PTPRD: variants seen among roughly 807,000 people sequenced by gnomAD.
PTPRD encodes the protein receptor-type tyrosine-protein phosphatase delta.
PTPRD carries 34 observed loss-of-function variants against 214.5 expected under a neutral mutation model. The observed-to-expected ratio is 0.16, with a 90% CI of 0.12 to 0.21. PTPRD has a LOEUF of 0.21. Ranked by LOEUF, PTPRD falls within the 10% of genes least tolerant of loss-of-function variation. The pLI, the probability that PTPRD is intolerant of heterozygous loss-of-function variation, is 1.00. For synonymous variants in PTPRD, 1,128 were observed against 845.7 expected, an observed-to-expected ratio of 1.33 and a Z score of -5.79; for missense variants, 2,545 against 2,398.7, an observed-to-expected ratio of 1.06 and a Z score of -1.27.
chr9:9,090,135 T>C (rs2099773436), intron 10 of PTPRD, among the ~76,000 whole-genome samples: 1 of 152,208 alleles, frequency 6.6e-6, no homozygotes, highest in South Asian at 2.1e-4. Context: ...TACAGTCACC[T>C]TACTGTGCTA....
chr9:9,435,385 A>G (rs1325196048), intron 8 of PTPRD, among the ~76,000 whole-genome samples: 1 of 119,764 alleles, frequency 8.3e-6, no homozygotes, highest in Non-Finnish European at 1.7e-5. Context: ...TTAGCCAGGC[A>G]TGGTGGCATG....
chr9:10,238,495 C>T (rs530318430), intron 3 of PTPRD, among the ~76,000 whole-genome samples: 5 of 151,940 alleles, frequency 3.3e-5, no homozygotes, highest in South Asian at 4.2e-4. Context: ...CCTGTGTATA[C>T]GCTCCAGAAT....
At chr9:9,091,394 G>C in intron 10 of PTPRD, 1 of 649,992 alleles carries the variant, frequency 1.5e-6, no homozygotes, top group Non-Finnish European at 2.7e-6. Flanking sequence ...TTATGACTCT[G>C]GTTCTTACTA....
intron 7 of PTPRD, among the ~76,000 whole-genome samples, chr9:9,694,066 T>C (rs2097325427): frequency 6.6e-6 from 1 of 152,188 alleles, no homozygotes; most frequent in Non-Finnish European, 1.5e-5. Context: ...GCCTCAAAGG[T>C]TATATAGCTC....
chr9:9,025,216 T>G (rs2099582949), intron 10 of PTPRD, among the ~76,000 whole-genome samples: 1 of 152,148 alleles, frequency 6.6e-6, no homozygotes, highest in Middle Eastern at 3.4e-3. Context: ...ATGGTGGGAC[T>G]AAGTTTTTCT....
At chr9:10,364,372 C>A (rs2097470286) in intron 2 of PTPRD, among the ~76,000 whole-genome samples, 1 of 152,052 alleles carries the variant, frequency 6.6e-6, no homozygotes. Flanking sequence ...GCTATAGCAT[C>A]TATTTGATGG....
At chr9:9,894,836 G>GT (rs559033234) in intron 5 of PTPRD, among the ~76,000 whole-genome samples, 19 of 151,552 alleles carry the variant, frequency 1.3e-4, no homozygotes, top group Non-Finnish European at 1.6e-4. Context: ...TAAAATGTCT[G>GT]TTTTTTTTCT....
chr9:8,876,840 T>C (rs1163447303), intron 11 of PTPRD, among the ~76,000 whole-genome samples: 2 of 152,210 alleles, frequency 1.3e-5, no homozygotes, highest in African/African-American at 4.8e-5. Context: ...TGGTCTGATA[T>C]TAGGGAAAGT....
chr9:9,548,562 C>T (rs765989314), intron 8 of PTPRD, among the ~76,000 whole-genome samples: 11 of 151,940 alleles, frequency 7.2e-5, no homozygotes, highest in Admixed American at 1.3e-4. Flanking sequence ...CCATGCCTGG[C>T]TAATTTTTGT....
intron 2 of PTPRD, among the ~76,000 whole-genome samples, chr9:10,491,447 A>G (rs2040199369): frequency 6.6e-6 from 1 of 152,158 alleles, no homozygotes; most frequent in African/African-American, 2.4e-5. Flanking sequence ...TCTAATAGCA[A>G]TTATAAAGAA....
At chr9:9,852,136 A>G (rs1227331682) in intron 5 of PTPRD, among the ~76,000 whole-genome samples, 1 of 152,156 alleles carries the variant, frequency 6.6e-6, no homozygotes, top group Non-Finnish European at 1.5e-5. Context: ...GATAAGAAAA[A>G]TTATATGGCC....
intron 27 of PTPRD, among the ~76,000 whole-genome samples, chr9:8,487,316 CTCAT>C (rs1290996413): frequency 1.8e-4 from 28 of 152,118 alleles, no homozygotes; most frequent in African/African-American, 5.6e-4. Flanking sequence ...GTCTAATCTA[CTCAT>C]TCAATGTATT....
chr9:8,752,632 C>T (rs1307091579), intron 11 of PTPRD, among the ~76,000 whole-genome samples: 1 of 152,154 alleles, frequency 6.6e-6, no homozygotes, highest in African/African-American at 2.4e-5. Flanking sequence ...TTTCCTGTAA[C>T]ACCACCACCA....
chr9:9,637,755 T>A (rs986609442), intron 7 of PTPRD, among the ~76,000 whole-genome samples: 3 of 152,150 alleles, frequency 2.0e-5, no homozygotes, highest in African/African-American at 7.2e-5. Flanking sequence ...TATTGAGAAC[T>A]CTCTGTGGTA....
chr9:10,055,176 G>T (rs1471108575), intron 3 of PTPRD, among the ~76,000 whole-genome samples: 1 of 151,940 alleles, frequency 6.6e-6, no homozygotes, highest in Non-Finnish European at 1.5e-5. Context: ...AATGTCTATT[G>T]TTTACGCCAC....
intron 8 of PTPRD, among the ~76,000 whole-genome samples, chr9:9,448,685 C>G (rs894040369): frequency 4.6e-5 from 7 of 152,004 alleles, no homozygotes; most frequent in Admixed American, 3.9e-4. Flanking sequence ...AACAGGTCAG[C>G]TCTTACTTAC....
intron 10 of PTPRD, among the ~76,000 whole-genome samples, chr9:9,157,444 G>C (rs1318850493): frequency 6.6e-6 from 1 of 152,024 alleles, no homozygotes; most frequent in Non-Finnish European, 1.5e-5. Flanking sequence ...CATTACAACT[G>C]ATAAGACAGA....
rs12342062 is a variant in PTPRD at position 10,349,536 on chromosome 9, C to T, written c.-599-8519G>A. On this transcript the variant is annotated intron_variant, in intron 2 of 45. Coordinates refer to ENST00000381196, the MANE Select transcript of PTPRD (RefSeq NM_002839.4). ...ATACATAAACCTCTCTATTTGATGT[C>T]CTGTGGATTTGTTTCCATGTCCCTC... Among the ~76,000 whole-genome samples the T allele has an allele frequency of 2.6e-5, 4 of 151,836 alleles. No individual in the cohort carries two copies. The East Asian group carries it at 5.8e-4, about 22-fold the overall frequency.
intron 2 of PTPRD, among the ~76,000 whole-genome samples, chr9:10,508,329 C>G (rs370513479): frequency 1.3e-5 from 2 of 152,092 alleles, no homozygotes; most frequent in African/African-American, 4.8e-5. Context: ...GAAATAGGAA[C>G]ACTTTTACAC....
Sources: gnomAD v4.1 joint callset for allele counts (sites outside exome capture counted in the v4.1 genomes callset) on GRCh38, gnomAD v4.1.1 for gene constraint, MANE v1.5 for transcripts, NCBI Gene and HGNC (gene_info 2026-07-23, HGNC 2026-07-21) for gene names.